Variants in CELF4 observed in about 807,000 individuals in gnomAD.
CELF4 encodes CUG-BP- and ETR-3-like factor 4.
A neutral mutation model predicts 59.9 loss-of-function variants in CELF4; 18 were observed. The observed-to-expected ratio is 0.30, with a 90% CI of 0.21 to 0.45. CELF4 has a LOEUF of 0.45. Ranked by LOEUF, CELF4 falls within the 20% of genes least tolerant of loss-of-function variation. The pLI, the probability that CELF4 is intolerant of heterozygous loss-of-function variation, is 1.00. For synonymous variants in CELF4, 261 were observed against 267.1 expected, an observed-to-expected ratio of 0.98 and a Z score of 0.22; for missense variants, 456 against 689.0, an observed-to-expected ratio of 0.66 and a Z score of 3.79.
At chr18:37,502,022 G>T (rs915548224) in intron 1 of CELF4, among the ~76,000 whole-genome samples, 1 of 152,134 alleles carries the variant, frequency 6.6e-6, no homozygotes, top group African/African-American at 2.4e-5. Flanking sequence ...TGCATCACTC[G>T]TGGTCTCAGC....
Position 37,472,256 on chromosome 18 carries a change from C to T in CELF4, c.369+13269G>A, listed in dbSNP as rs115576364. 3.6e-3 allele frequency among the ~76,000 whole-genome samples: 546 copies of T among 152,380 alleles called. 4 individuals carry two copies. Among genetic ancestry groups the T allele is most frequent in the African/African-American group, 0.012 (496 of 41,598 alleles). ...GGCCAGCTCCAGCGTCCTTATGGAC[C>T]TGCCTGCCACTCTCACAGTGGTTTC... is the stretch of plus-strand genomic sequence containing the variant. On this transcript the variant is annotated intron_variant, in intron 2 of 12. Coordinates refer to ENST00000420428, the MANE Select transcript of CELF4 (RefSeq NM_020180.4).
At chr18:37,422,302 G>C (rs11661173) in intron 2 of CELF4, among the ~76,000 whole-genome samples, 52,637 of 152,130 alleles carry the variant, frequency 0.35, 10,326 homozygotes, top group South Asian at 0.61. Context: ...GGCCACCCTT[G>C]TGGCTGAATA....
intron 3 of CELF4, among the ~76,000 whole-genome samples, chr18:37,283,587 C>T (rs867542396): frequency 1.3e-5 from 2 of 152,098 alleles, no homozygotes; most frequent in Non-Finnish European, 2.9e-5. Context: ...GCTCAATGAG[C>T]ATTGGGGGTG....
chr18:37,332,133 TGTGGGAAGA>T, intron 2 of CELF4, among the ~76,000 whole-genome samples: 1 of 152,250 alleles, frequency 6.6e-6, no homozygotes, highest in Admixed American at 6.5e-5. Flanking sequence ...CTTCCCCACC[TGTGGGAAGA>T]CAGGAGCCTA....
At chr18:37,558,635 G>A (rs2099985613) in intron 1 of CELF4, among the ~76,000 whole-genome samples, 1 of 151,996 alleles carries the variant, frequency 6.6e-6, no homozygotes. Context: ...TTCTTGGAGA[G>A]GCTGCGTATC....
chr18:37,316,237 G>A (rs1182882494), intron 3 of CELF4, among the ~76,000 whole-genome samples: 1 of 152,172 alleles, frequency 6.6e-6, no homozygotes, highest in African/African-American at 2.4e-5. Context: ...CATGTTCAGG[G>A]CAGGCAGGGA....
chr18:37,395,553 G>T (rs1234106957), intron 2 of CELF4, among the ~76,000 whole-genome samples: 1 of 152,236 alleles, frequency 6.6e-6, no homozygotes, highest in African/African-American at 2.4e-5. Flanking sequence ...TTCTCTCTGG[G>T]ATCCTCTTGT....
At chr18:37,452,512 C>T (rs2099766919) in intron 2 of CELF4, among the ~76,000 whole-genome samples, 2 of 152,044 alleles carry the variant, frequency 1.3e-5, no homozygotes, top group Admixed American at 1.3e-4. Context: ...GGGGTAGGGA[C>T]ATAGGCTTGA....
intron 2 of CELF4, among the ~76,000 whole-genome samples, chr18:37,326,608 C>A (rs1036556791): frequency 2.0e-5 from 3 of 152,144 alleles, no homozygotes; most frequent in African/African-American, 7.2e-5. Context: ...TTCCCTGGGT[C>A]AGGAACAGCT....
At chr18:37,552,322 T>G (rs1224379572) in intron 1 of CELF4, among the ~76,000 whole-genome samples, 1 of 152,230 alleles carries the variant, frequency 6.6e-6, no homozygotes, top group Non-Finnish European at 1.5e-5. Flanking sequence ...ATGTCTCCCC[T>G]GTCAGACCCT....
In CELF4 at chr18:37,462,180, C is replaced by T. The variant is rs529850157; in HGVS notation, c.369+23345G>A. Among the ~76,000 whole-genome samples, 8 of 152,182 alleles carry T rather than the reference C, an allele frequency of 5.3e-5. No individual in the cohort carries two copies. The South Asian group carries it at 1.5e-3, about 28-fold the overall frequency. On this transcript the variant is annotated intron_variant, in intron 2 of 12. Coordinates refer to ENST00000420428, the MANE Select transcript of CELF4 (RefSeq NM_020180.4). The stretch of plus-strand genomic sequence containing the variant: ...GTAGGAGGATGATCTGGGGGTTGCC[C>T]CTGTATCCATTTGCCCACCCCTGAC...
chr18:37,307,162 C>T (rs1246936229), intron 3 of CELF4, among the ~76,000 whole-genome samples: 1 of 152,132 alleles, frequency 6.6e-6, no homozygotes, highest in African/African-American at 2.4e-5. Context: ...CCCCAGGGTG[C>T]TCCCCGCCCA....
intron 2 of CELF4, among the ~76,000 whole-genome samples, chr18:37,377,903 G>C (rs1603631354): frequency 6.6e-6 from 1 of 152,168 alleles, no homozygotes; most frequent in South Asian, 2.1e-4. Flanking sequence ...GGAGATGGGG[G>C]ACTAGGGGGA....
At position 37,253,750 on chromosome 18, in the gene CELF4, C is replaced by G; in HGVS notation, c.*44+17G>C. 6.5e-7 allele frequency: 1 copy of G among 1,544,658 alleles called. No homozygotes were observed. The highest frequency in any genetic ancestry group is 8.8e-7 in the Non-Finnish European group (1 of 1,141,580). On this transcript the variant is annotated intron_variant, in intron 12 of 12. Transcript: ENST00000420428. This position sits in a 1 kb window ranked among gnomAD's most constrained non-coding sequence, Gnocchi z 4.5. ...CCTCCCAACCCCCGTCCCCGCGCCCCGGCCGCCCCCGGTTACCTGTGCGAG... is the reference window on the plus strand; with the variant it reads ...CCTCCCAACCCCCGTCCCCGCGCCCGGGCCGCCCCCGGTTACCTGTGCGAG...
At chr18:37,444,411 A>G (rs574983546) in intron 2 of CELF4, among the ~76,000 whole-genome samples, 1 of 152,238 alleles carries the variant, frequency 6.6e-6, no homozygotes, top group South Asian at 2.1e-4. Flanking sequence ...CAACCGTGGG[A>G]GGAGGCAGCG....
intron 3 of CELF4, among the ~76,000 whole-genome samples, chr18:37,296,101 C>T (rs1343693980): frequency 6.6e-6 from 1 of 152,218 alleles, no homozygotes; most frequent in Non-Finnish European, 1.5e-5. Context: ...ACTTGGCACA[C>T]CCATAGGCAT....
intron 1 of CELF4, among the ~76,000 whole-genome samples, chr18:37,496,612 G>C (rs1603642676): frequency 6.6e-6 from 1 of 152,200 alleles, no homozygotes; most frequent in East Asian, 1.9e-4. Context: ...AAGACCAATA[G>C]CCAGGAGTCC....
Position 37,515,910 on chromosome 18 carries a change from C to T in CELF4, c.287-30303G>A, listed in dbSNP as rs1423324396. 7.2e-5 allele frequency among the ~76,000 whole-genome samples: 11 copies of T among 152,160 alleles called. No homozygotes were observed. In the East Asian group the frequency reaches 9.7e-4, roughly 13 times the overall value. ...CAGGCTGGATGAGAGTACTTCATCC[C>T]GGTGAAAGCAGGACTTGCCTTCTTC... On this transcript the variant is annotated intron_variant, in intron 1 of 12. Transcript: ENST00000420428.
At chr18:37,406,454 G>A (rs959542614) in intron 2 of CELF4, among the ~76,000 whole-genome samples, 3 of 152,112 alleles carry the variant, frequency 2.0e-5, no homozygotes, top group Non-Finnish European at 2.9e-5. Flanking sequence ...ACGGTCCTGC[G>A]CTATGGGCTT....
Sources: gnomAD v4.1 joint callset for allele counts (sites outside exome capture counted in the v4.1 genomes callset) on GRCh38, gnomAD v4.1.1 for gene constraint, Gnocchi (gnomAD v3.1) non-coding constraint, MANE v1.5 for transcripts, NCBI Gene and HGNC (gene_info 2026-07-23, HGNC 2026-07-21) for gene names.